Variants in DPYSL5 observed in about 807,000 individuals in gnomAD.
The protein encoded by DPYSL5 is dihydropyrimidinase-related protein 5.
DPYSL5 carries 9 observed loss-of-function variants against 58.4 expected under a neutral mutation model. That is an observed-to-expected ratio of 0.15 (90% CI 0.09 to 0.27). The LOEUF is 0.27. Among genes scored for constraint, DPYSL5 ranks in the 10% least tolerant of loss-of-function variants. The pLI, the probability that DPYSL5 is intolerant of heterozygous loss-of-function variation, is 1.00. For missense variants in DPYSL5, 499 were observed against 770.6 expected (o/e 0.65, Z 4.17); for synonymous variants, 293 against 301.9 (o/e 0.97, Z 0.31).
chr2:26,860,512 A>ACT (rs1338828586), intron 1 of DPYSL5, among the ~76,000 whole-genome samples: 1 of 152,226 alleles, frequency 6.6e-6, no homozygotes, highest in Non-Finnish European at 1.5e-5. Context: ...CATTCCTTTT[A>ACT]ACCCAGCAGT....
chr2:26,941,874 C>T (rs1383499468), intron 9 of DPYSL5, 76 bp from the exon 10 acceptor site: 1 of 1,593,326 alleles, frequency 6.3e-7, no homozygotes, highest in Non-Finnish European at 8.6e-7. Flanking sequence ...GTCCATGGGC[C>T]AGCATCAAAG....
At chr2:26,900,374 G>A (rs985597235) in intron 2 of DPYSL5, among the ~76,000 whole-genome samples, 1 of 152,222 alleles carries the variant, frequency 6.6e-6, no homozygotes, top group African/African-American at 2.4e-5. Flanking sequence ...GAAGCAGTAT[G>A]TACCTTCGCA....
At chr2:26,920,188 T>TAA (rs1482956780) in intron 2 of DPYSL5, among the ~76,000 whole-genome samples, 5 of 141,526 alleles carry the variant, frequency 3.5e-5, no homozygotes, top group East Asian at 4.0e-4. Flanking sequence ...TCTTTTTTTT[T>TAA]AAAAAAAAGC....
Position 26,853,219 on chromosome 2 carries a change from G to A in DPYSL5, c.-5+4965G>A, listed in dbSNP as rs892275209. On this transcript the variant is annotated intron_variant, in intron 1 of 12. Transcript: ENST00000288699. ...TGCATCATTCCTTTGAGTGGGGTTA[G>A]GCTGGCGTGGCTGGTGAGGAGCTGT... Among the ~76,000 whole-genome samples the A allele has an allele frequency of 1.1e-4, 17 of 152,330 alleles. No homozygotes were observed. The East Asian group carries it at 2.7e-3, about 24-fold the overall frequency.
chr2:26,894,087 C>A (rs1663955049), intron 1 of DPYSL5, among the ~76,000 whole-genome samples: 1 of 148,858 alleles, frequency 6.7e-6, no homozygotes, highest in African/African-American at 2.5e-5. Flanking sequence ...AATTATAATT[C>A]ATATTATAAA....
rs1413579566 is a variant in DPYSL5, at chr2:26,947,901, C to G, written c.*906C>G. ...TGCAGTCTTCTGGGCTGCGGGAGGC[C>G]CTGGCCCTTTCCCCTTCCCCTCCCC... On this transcript the variant is annotated 3_prime_UTR_variant, in exon 13 of 13. Transcript: ENST00000288699. This position sits in a 1 kb window ranked among gnomAD's most constrained non-coding sequence, Gnocchi z 4.2. 1.3e-5 allele frequency: 2 copies of G among 152,730 alleles called. No individual in the cohort carries two copies. The highest frequency in any genetic ancestry group is 2.9e-5 in the Non-Finnish European group (2 of 68,216). 9.5% of individuals were successfully genotyped at this position (152,730 alleles called of 1,614,324 possible). A position where few individuals can be genotyped will look rare whatever the true frequency, so the allele number is the denominator to read the frequency against.
chr2:26,943,982 GGGAGGGCGCTCTCTAAAAT>G (rs550711360), intron 11 of DPYSL5, among the ~76,000 whole-genome samples: 1,622 of 152,266 alleles, frequency 0.011, 13 homozygotes, highest in Middle Eastern at 0.017. Flanking sequence ...TGCGCTGTGT[GGGAGGGCGCTCTCTAAAAT>G]TGACTTCCGG....
At position 26,942,721 on chromosome 2, in the gene DPYSL5, G is replaced by A; in HGVS notation, c.1411G>A (p.Val471Ile). The A allele has an allele frequency of 6.2e-7, 1 of 1,614,140 alleles. No individual in the cohort carries two copies. The highest frequency in any genetic ancestry group is 8.5e-7 in the Non-Finnish European group (1 of 1,180,024). The part of the protein sequence containing the change: ...FCPLRSFPDT[V>I]YKKLVQREKT... ...TCCCCTGAGGTCCTTCCCAGACACT[G>A]TCTACAAGAAGCTGGTCCAGAGAGA... The change falls in exon 11 of 13, where the codon GTC (valine) becomes ATC (isoleucine). Residue 471 changes from valine to isoleucine, a missense_variant. This residue lies in a region of DPYSL5 where 404 missense variants were observed against 647.6 expected (regional missense o/e 0.62). Transcript: ENST00000288699. This position sits in a 1 kb window ranked among gnomAD's most constrained non-coding sequence, Gnocchi z 5.9.
chr2:26,940,679 T>C (rs572036613), intron 9 of DPYSL5, among the ~76,000 whole-genome samples: 4 of 151,886 alleles, frequency 2.6e-5, no homozygotes, highest in South Asian at 4.1e-4. Context: ...CCAACTGCTA[T>C]ACTAACCAGG....
chr2:26,873,998 C>T (rs1663338808), intron 1 of DPYSL5, among the ~76,000 whole-genome samples: 1 of 152,136 alleles, frequency 6.6e-6, no homozygotes, highest in Admixed American at 6.5e-5. Flanking sequence ...ATTTGCATTT[C>T]CCTGATAACC....
rs564964270 is a variant in DPYSL5, at chr2:26,881,587, C to A, written c.-4-16909C>A. On this transcript the variant is annotated intron_variant, in intron 1 of 12. Transcript: ENST00000288699. ...TCAGGTCCGTAAGAAAGACAGCCGGCAGGAGCAGGCACAGGAGGAAGGCTG... is the reference window on the plus strand; with the variant it reads ...TCAGGTCCGTAAGAAAGACAGCCGGAAGGAGCAGGCACAGGAGGAAGGCTG... Among the ~76,000 whole-genome samples, 4 of 152,262 alleles carry A rather than the reference C, an allele frequency of 2.6e-5. No individual in the cohort carries two copies. In the East Asian group the frequency reaches 7.7e-4, roughly 29 times the overall value.
At chr2:26,852,872 T>C (rs1372307504) in intron 1 of DPYSL5, among the ~76,000 whole-genome samples, 18 of 152,210 alleles carry the variant, frequency 1.2e-4, no homozygotes, top group Admixed American at 1.2e-3. Flanking sequence ...ATCTGGCATC[T>C]TGTAAGTGCT....
At chr2:26,935,298 A>T (rs1665143493) in intron 8 of DPYSL5, among the ~76,000 whole-genome samples, 1 of 152,112 alleles carries the variant, frequency 6.6e-6, no homozygotes, top group Non-Finnish European at 1.5e-5. Context: ...TCTAAAGGAA[A>T]TGGTTTGATG....
At chr2:26,909,841 A>G (rs922091190) in intron 2 of DPYSL5, among the ~76,000 whole-genome samples, 12 of 152,162 alleles carry the variant, frequency 7.9e-5, no homozygotes, top group African/African-American at 2.9e-4. Context: ...AGAGGAGAAC[A>G]TGATTAGGTA....
chr2:26,945,780 C>T (rs1459614409), intron 12 of DPYSL5, among the ~76,000 whole-genome samples: 1 of 152,218 alleles, frequency 6.6e-6, no homozygotes, highest in African/African-American at 2.4e-5. Context: ...TCCTTCCACC[C>T]ACAGCCTGGA....
Position 26,849,318 on chromosome 2 carries a change from G to A in DPYSL5, c.-5+1064G>A, listed in dbSNP as rs1665685914. Among the ~76,000 whole-genome samples the A allele has an allele frequency of 6.6e-6, 1 of 151,902 alleles. No individual in the cohort carries two copies. Among genetic ancestry groups the A allele is most frequent in the Non-Finnish European group, 1.5e-5 (1 of 67,940 alleles). ...AGACCCGCGCTGTGCGGGGGAGGGG[G>A]GCCTCCTGGGAAGGGGAGCCTCCCG... On this transcript the variant is annotated intron_variant, in intron 1 of 12. Transcript: ENST00000288699. The surrounding 1 kb of genome is among the most constrained non-coding windows in gnomAD (Gnocchi z 6.2).
intron 8 of DPYSL5, among the ~76,000 whole-genome samples, chr2:26,937,686 G>A (rs1665214817): frequency 6.6e-6 from 1 of 151,860 alleles, no homozygotes; most frequent in African/African-American, 2.4e-5. Flanking sequence ...GAATGCAGTG[G>A]TACAACCTCC....
chr2:26,880,411 A>C (rs540841318), intron 1 of DPYSL5, among the ~76,000 whole-genome samples: 4 of 151,884 alleles, frequency 2.6e-5, no homozygotes, highest in Admixed American at 6.6e-5. Context: ...CCAGTCCCCA[A>C]CTCACAGTTG....
intron 1 of DPYSL5, among the ~76,000 whole-genome samples, chr2:26,854,911 C>T (rs1222076193): frequency 3.3e-5 from 5 of 151,796 alleles, no homozygotes; most frequent in Admixed American, 2.0e-4. Context: ...CTCTGCCTCC[C>T]GGTTCAAGCA....
Sources: gnomAD v4.1 joint callset for allele counts (sites outside exome capture counted in the v4.1 genomes callset) on GRCh38, gnomAD v4.1.1 for gene constraint, gnomAD v4.1.1 regional missense constraint, Gnocchi (gnomAD v3.1) non-coding constraint, MANE v1.5 for transcripts, NCBI Gene and HGNC (gene_info 2026-07-23, HGNC 2026-07-21) for gene names.